GRIN2B: variants seen among roughly 807,000 people sequenced by gnomAD.
GRIN2B encodes the protein glutamate receptor ionotropic, NMDA 2B.
Under a neutral mutation model 114.5 loss-of-function variants are expected in GRIN2B, and 5 were observed. The observed-to-expected ratio is 0.04, with a 90% CI of 0.02 to 0.09. The LOEUF (loss-of-function observed/expected upper bound fraction) is 0.09. Ranked by LOEUF, GRIN2B falls within the 10% of genes least tolerant of loss-of-function variation. The probability of loss-of-function intolerance (pLI) is 1.00; values close to 1 mark genes in which losing one functional copy is unlikely to be tolerated. For missense variants in GRIN2B, 1,108 were observed against 1,943.5 expected (o/e 0.57, Z 8.08); for synonymous variants, 787 against 745.1 (o/e 1.06, Z -0.92).
At chr12:13,938,701 G>A in intron 2 of GRIN2B, among the ~76,000 whole-genome samples, 1 of 152,190 alleles carries the variant, frequency 6.6e-6, no homozygotes. Context: ...ATACAGATAA[G>A]AGTGATAGTT....
At chr12:13,938,133 G>A (rs1318623353) in intron 2 of GRIN2B, among the ~76,000 whole-genome samples, 1 of 152,026 alleles carries the variant, frequency 6.6e-6, no homozygotes, top group East Asian at 1.9e-4. Flanking sequence ...TTACCCCAAA[G>A]AAGGCGGGAA....
At chr12:13,794,166 T>C (rs1199387350) in intron 3 of GRIN2B, among the ~76,000 whole-genome samples, 1 of 137,488 alleles carries the variant, frequency 7.3e-6, no homozygotes, top group Non-Finnish European at 1.5e-5. Context: ...GATCACTTCA[T>C]TGCACCACTG....
chr12:13,956,118 G>A (rs1867586244), intron 2 of GRIN2B, among the ~76,000 whole-genome samples: 1 of 152,194 alleles, frequency 6.6e-6, no homozygotes, highest in Non-Finnish European at 1.5e-5. Flanking sequence ...TAGGGGATAT[G>A]TCTGACCAAA....
intron 3 of GRIN2B, among the ~76,000 whole-genome samples, chr12:13,857,005 T>A (rs942359265): frequency 1.3e-5 from 2 of 152,226 alleles, no homozygotes; most frequent in Admixed American, 6.5e-5. Flanking sequence ...GTCATCATAA[T>A]TTTTGTGACT....
intron 3 of GRIN2B, among the ~76,000 whole-genome samples, chr12:13,842,482 A>G (rs1298264383): frequency 4.6e-5 from 7 of 152,154 alleles, no homozygotes; most frequent in Non-Finnish European, 8.8e-5. Context: ...TTTCTGTGCC[A>G]TTTTCTCCTT....
chr12:13,742,209 G>A (rs1390849418), intron 4 of GRIN2B, among the ~76,000 whole-genome samples: 1 of 152,124 alleles, frequency 6.6e-6, no homozygotes, highest in African/African-American at 2.4e-5. Context: ...TCCCCAAATG[G>A]TGTTATACAA....
chr12:13,751,977 A>G (rs1351782355), intron 4 of GRIN2B, among the ~76,000 whole-genome samples: 1 of 152,164 alleles, frequency 6.6e-6, no homozygotes, highest in Admixed American at 6.5e-5. Flanking sequence ...GCAAGGGGCA[A>G]TACCTAGGGA....
chr12:13,727,945 T>C (rs555184409), intron 4 of GRIN2B, among the ~76,000 whole-genome samples: 7 of 152,342 alleles, frequency 4.6e-5, no homozygotes, highest in African/African-American at 1.7e-4. Context: ...ATGGATAGCA[T>C]GCATCATTGA....
chr12:13,600,545 G>A (rs746693696), intron 10 of GRIN2B, among the ~76,000 whole-genome samples: 2 of 151,958 alleles, frequency 1.3e-5, no homozygotes, highest in Admixed American at 6.6e-5. Flanking sequence ...AGGAGGATAA[G>A]GCTACAAGAA....
intron 10 of GRIN2B, among the ~76,000 whole-genome samples, chr12:13,591,146 G>A (rs1232773555): frequency 6.6e-6 from 1 of 152,066 alleles, no homozygotes; most frequent in African/African-American, 2.4e-5. Flanking sequence ...TAGCCCTGAC[G>A]TTTGACCTTC....
rs1220642006 is a variant in GRIN2B, at chr12:13,573,181, G to T, written c.2011-1217C>A. Among the ~76,000 whole-genome samples the T allele has an allele frequency of 1.3e-5, 2 of 149,432 alleles. 1 individual carries two copies. Among genetic ancestry groups the T allele is most frequent in the Non-Finnish European group, 3.0e-5 (2 of 67,116 alleles). ...AAGAAGTGCTTGGCGGTCGGGCACG[G>T]TGGCTCACGCCTGTAATCCCAGCAC... On this transcript the variant is annotated intron_variant, in intron 10 of 13. Transcript: ENST00000609686.
At chr12:13,779,617 G>A (rs1223803273) in intron 3 of GRIN2B, among the ~76,000 whole-genome samples, 1 of 152,136 alleles carries the variant, frequency 6.6e-6, no homozygotes, top group East Asian at 1.9e-4. Flanking sequence ...TAATTCATGT[G>A]CTTCTGTTCA....
intron 3 of GRIN2B, among the ~76,000 whole-genome samples, chr12:13,797,541 G>A (rs181167080): frequency 8.5e-5 from 13 of 152,246 alleles, no homozygotes; most frequent in Admixed American, 6.5e-4. Context: ...CTCAGAATGT[G>A]GGTAGGACCT....
At chr12:13,798,833 T>G (rs2300266) in intron 3 of GRIN2B, among the ~76,000 whole-genome samples, 17,705 of 152,216 alleles carry the variant, frequency 0.12, 1,136 homozygotes, top group East Asian at 0.16. Context: ...CTCATGACGA[T>G]CTCTGTTCTG....
intron 12 of GRIN2B, among the ~76,000 whole-genome samples, chr12:13,567,836 A>G (rs1285988120): frequency 6.6e-6 from 1 of 152,132 alleles, no homozygotes; most frequent in Non-Finnish European, 1.5e-5. Context: ...AAGCTGAATA[A>G]AAAAGAGTGA....
chr12:13,611,632 C>T (rs1949366489), intron 9 of GRIN2B, 93 bp downstream of exon 9: 8 of 1,245,546 alleles, frequency 6.4e-6, no homozygotes, highest in South Asian at 3.6e-5. Context: ...AATGGATATG[C>T]TAGGGAAAAT....
At chr12:13,811,211 T>C (rs1864722605) in intron 3 of GRIN2B, among the ~76,000 whole-genome samples, 1 of 152,210 alleles carries the variant, frequency 6.6e-6, no homozygotes, top group South Asian at 2.1e-4. Flanking sequence ...TCTCCTCCTA[T>C]TCTCATCTGG....
chr12:13,843,206 G>T (rs1160123576), intron 3 of GRIN2B, among the ~76,000 whole-genome samples: 1 of 149,308 alleles, frequency 6.7e-6, no homozygotes, highest in Non-Finnish European at 1.5e-5. Context: ...CTTTTCTTAT[G>T]TTCTCCTGAA....
chr12:13,714,204 G>T (rs1486942206), intron 4 of GRIN2B, among the ~76,000 whole-genome samples: 1 of 151,688 alleles, frequency 6.6e-6, no homozygotes, highest in Non-Finnish European at 1.5e-5. Flanking sequence ...GTCTTATTGG[G>T]TGCTACCTGA....
Sources: gnomAD v4.1 joint callset for allele counts (sites outside exome capture counted in the v4.1 genomes callset) on GRCh38, gnomAD v4.1.1 for gene constraint, MANE v1.5 for transcripts, NCBI Gene and HGNC (gene_info 2026-07-23, HGNC 2026-07-21) for gene names.